LRMDA: variants seen among roughly 807,000 people sequenced by gnomAD.
The protein encoded by LRMDA is leucine-rich melanocyte differentiation-associated protein.
Under a neutral mutation model 29.8 loss-of-function variants are expected in LRMDA, and 18 were observed. The ratio of observed to expected loss-of-function variants is 0.60; its 90% CI spans 0.42 to 0.90. The LOEUF is 0.90. Ranked by LOEUF, LRMDA falls within the 40% of genes least tolerant of loss-of-function variation. The pLI is 0.00. For missense variants in LRMDA, 273 were observed against 273.9 expected, an observed-to-expected ratio of 1.00 and a Z score of 0.02; for synonymous variants, 125 against 109.4, an observed-to-expected ratio of 1.14 and a Z score of -0.89.
chr10:76,326,170 A>G (rs1840831450), intron 6 of LRMDA, among the ~76,000 whole-genome samples: 1 of 152,326 alleles, frequency 6.6e-6, no homozygotes, highest in South Asian at 2.1e-4. Flanking sequence ...GCTGATGGCC[A>G]TAAGGAGACC....
At chr10:76,169,525 C>A (rs987699497) in intron 5 of LRMDA, among the ~76,000 whole-genome samples, 1 of 151,984 alleles carries the variant, frequency 6.6e-6, no homozygotes, top group Non-Finnish European at 1.5e-5. Flanking sequence ...ATCACTGAGA[C>A]CCTACATTAG....
intron 5 of LRMDA, among the ~76,000 whole-genome samples, chr10:76,206,538 A>G (rs1047342348): frequency 6.6e-6 from 1 of 152,188 alleles, no homozygotes; most frequent in East Asian, 1.9e-4. Flanking sequence ...AACACAGAGC[A>G]GGCATGTAAT....
At chr10:75,867,275 G>A (rs944143738) in intron 2 of LRMDA, among the ~76,000 whole-genome samples, 8 of 152,108 alleles carry the variant, frequency 5.3e-5, no homozygotes, top group Admixed American at 2.0e-4. Context: ...CGATTCTCCT[G>A]CCTCAGCCTC....
chr10:75,431,694 C>A lies in LRMDA; in HGVS notation c.-31C>A. ...CTGCTGCCGCCGCGCCCCCGCGCTC[C>A]GTCCCGCGCGCCCGCAGCGTCCTGG... On this transcript the variant is annotated 5_prime_UTR_variant, in exon 1 of 7. Coordinates refer to ENST00000611255, the MANE Select transcript of LRMDA (RefSeq NM_001305581.2). 1 of 1,291,476 alleles carries A rather than the reference C, an allele frequency of 7.7e-7. No homozygotes were observed. The highest frequency in any genetic ancestry group is 2.8e-5 in the South Asian group (1 of 36,064). The allele number at this position is 1,291,476 out of a possible 1,614,324, so 80.0% of individuals were successfully genotyped here.
chr10:76,337,764 G>A (rs112317018), intron 6 of LRMDA, among the ~76,000 whole-genome samples: 2,032 of 152,238 alleles, frequency 0.013, 28 homozygotes, highest in African/African-American at 0.035. Flanking sequence ...GCTCCACCAA[G>A]AGGGTGTGAG....
chr10:75,851,959 G>A (rs1312841097), intron 2 of LRMDA, among the ~76,000 whole-genome samples: 1 of 152,218 alleles, frequency 6.6e-6, no homozygotes, highest in Non-Finnish European at 1.5e-5. Flanking sequence ...TCCATGACTT[G>A]TAGCCTTAGG....
chr10:76,078,076 T>A (rs1182825212), intron 5 of LRMDA, among the ~76,000 whole-genome samples: 1 of 141,644 alleles, frequency 7.1e-6, no homozygotes, highest in Non-Finnish European at 1.5e-5. Context: ...AGTGGTGTGA[T>A]CTCAGCTCAC....
intron 2 of LRMDA, among the ~76,000 whole-genome samples, chr10:75,775,838 C>T (rs1207061809): frequency 6.6e-6 from 1 of 152,156 alleles, no homozygotes; most frequent in Non-Finnish European, 1.5e-5. Flanking sequence ...AGATCTCCAG[C>T]GTAGAGGTAG....
Position 76,405,783 on chromosome 10 carries a change from A to G in LRMDA, c.601+81298A>G, listed in dbSNP as rs964280230. Among the ~76,000 whole-genome samples, 8 of 152,242 alleles carry G rather than the reference A, an allele frequency of 5.3e-5. No homozygotes were observed. The South Asian group carries it at 1.7e-3, about 32-fold the overall frequency. ...CTGGAGGATTAAAACATTAAAGAAT[A>G]ATTTATTCCTATACTCTCCTCAGCC... On this transcript the variant is annotated intron_variant, in intron 6 of 6. Coordinates refer to ENST00000611255, the MANE Select transcript of LRMDA (RefSeq NM_001305581.2).
chr10:76,284,098 T>A (rs554164361), intron 5 of LRMDA, among the ~76,000 whole-genome samples: 6 of 152,308 alleles, frequency 3.9e-5, no homozygotes, highest in African/African-American at 1.4e-4. Context: ...GTTTGGGATG[T>A]TATTTTTGGT....
intron 6 of LRMDA, among the ~76,000 whole-genome samples, chr10:76,355,442 T>C (rs927192391): frequency 6.6e-6 from 1 of 152,178 alleles, no homozygotes; most frequent in African/African-American, 2.4e-5. Context: ...AATGGATTAA[T>C]TTAGTTCCAT....
chr10:75,439,397 A>T (rs1844301139), intron 2 of LRMDA, among the ~76,000 whole-genome samples: 1 of 152,210 alleles, frequency 6.6e-6, no homozygotes, highest in African/African-American at 2.4e-5. Context: ...TCCAGGGCCC[A>T]AGCACTTTCC....
chr10:76,474,362 G>T (rs191001432), intron 6 of LRMDA, among the ~76,000 whole-genome samples: 1 of 151,492 alleles, frequency 6.6e-6, no homozygotes, highest in African/African-American at 2.4e-5. Context: ...AGGGACAAAA[G>T]AAAAAATAAG....
chr10:76,346,628 A>G (rs1841112118), intron 6 of LRMDA: 1 of 152,168 alleles, frequency 6.6e-6, no homozygotes, highest in Non-Finnish European at 1.5e-5. Context: ...AATATTCTTT[A>G]TTGAGTGAAT....
intron 2 of LRMDA, among the ~76,000 whole-genome samples, chr10:75,520,820 T>C (rs1462266359): frequency 2.0e-5 from 3 of 152,238 alleles, no homozygotes; most frequent in Non-Finnish European, 2.9e-5. Flanking sequence ...TTTATGGTTT[T>C]ATCTACCTTT....
chr10:76,185,805 A>T (rs60542181), intron 5 of LRMDA, among the ~76,000 whole-genome samples: 19 of 152,206 alleles, frequency 1.2e-4, no homozygotes, highest in Middle Eastern at 3.4e-3. Context: ...ATTTTTTTTT[A>T]AAAAAGAATT....
At chr10:76,046,903 A>G (rs1848447808) in intron 3 of LRMDA, among the ~76,000 whole-genome samples, 1 of 152,234 alleles carries the variant, frequency 6.6e-6, no homozygotes, top group Non-Finnish European at 1.5e-5. Context: ...AGGAAAGAAA[A>G]ATATGATGGG....
chr10:76,461,353 A>G (rs1477367602), intron 6 of LRMDA, among the ~76,000 whole-genome samples: 3 of 152,122 alleles, frequency 2.0e-5, no homozygotes, highest in Non-Finnish European at 4.4e-5. Context: ...ACTGCCAGTG[A>G]ACTCTACTAA....
chr10:75,776,830 C>A (rs1802946526), intron 2 of LRMDA, among the ~76,000 whole-genome samples: 2 of 152,358 alleles, frequency 1.3e-5, no homozygotes, highest in South Asian at 4.1e-4. Flanking sequence ...TGGCAGCTCA[C>A]TGATGGTTGT....
Sources: allele counts gnomAD v4.1 joint callset (sites outside exome capture counted in the v4.1 genomes callset), GRCh38; gene constraint gnomAD v4.1.1; transcripts MANE v1.5; gene names NCBI Gene and HGNC (gene_info 2026-07-23, HGNC 2026-07-21).